The following MBTPS1 variants were observed in gnomAD, a reference collection of about 807,000 sequenced individuals.
MBTPS1 encodes the protein membrane bound transcription factor peptidase, site 1, also known as membrane-bound transcription factor site-1 protease.
A neutral mutation model predicts 127.8 loss-of-function variants in MBTPS1; 94 were observed. That is an observed-to-expected ratio of 0.74 (90% CI 0.62 to 0.87). The LOEUF (loss-of-function observed/expected upper bound fraction) is 0.87. Ranked by LOEUF, MBTPS1 falls within the 40% of genes least tolerant of loss-of-function variation. MBTPS1 has a pLI of 0.00. For missense variants in MBTPS1, 1,636 were observed against 1,353.2 expected, an observed-to-expected ratio of 1.21 and a Z score of -3.28; for synonymous variants, 632 against 509.4, an observed-to-expected ratio of 1.24 and a Z score of -3.24.
At position 84,091,851 on chromosome 16, in the gene MBTPS1, A is replaced by G. The variant is rs372245968; in HGVS notation, c.847-3T>C. On this transcript the variant is annotated splice_region_variant and splice_polypyrimidine_tract_variant and intron_variant, in intron 6 of 22. Coordinates refer to ENST00000343411, the MANE Select transcript of MBTPS1 (RefSeq NM_003791.4). ...AAAAACCAAGATGTGTAAGATACCT[A>G]GTTAAATATTATAACAGTCTGCTTA... 69 of 1,512,084 alleles carry G rather than the reference A, an allele frequency of 4.6e-5. No homozygotes were observed. The highest frequency in any genetic ancestry group is 6.2e-5 in the Non-Finnish European group (67 of 1,086,878). The allele number at this position is 1,512,084 out of a possible 1,614,324, so 93.7% of individuals were successfully genotyped here.
At chr16:84,067,635 C>CACATTTT (rs3835163) in intron 16 of MBTPS1, 32 bp downstream of exon 16, 864,410 of 1,538,910 alleles carry the variant, frequency 0.56, 245,077 homozygotes, top group East Asian at 0.61. Flanking sequence ...CCCCAAAAGT[C>CACATTTT]TTATCCAAAT....
chr16:84,089,244 C>T lies in MBTPS1; in HGVS notation c.1031+1631G>A, dbSNP rs74653612. Among the ~76,000 whole-genome samples, 823 of 152,354 alleles carry T rather than the reference C, an allele frequency of 5.4e-3. 4 individuals carry two copies. The highest frequency in any genetic ancestry group is 0.019 in the African/African-American group (785 of 41,578). On this transcript the variant is annotated intron_variant, in intron 8 of 22. Coordinates refer to ENST00000343411, the MANE Select transcript of MBTPS1 (RefSeq NM_003791.4). ...GATTGTGGCTGGAGTTGGCCAACTA[C>T]GGCCCATGGGCCAAACCAGGCCCAC...
intron 17 of MBTPS1, among the ~76,000 whole-genome samples, chr16:84,066,234 T>C (rs1281871978): frequency 6.6e-6 from 1 of 152,224 alleles, no homozygotes; most frequent in Non-Finnish European, 1.5e-5. Flanking sequence ...GTAGTTCCTA[T>C]TTGGGACTAC....
At chr16:84,111,916 T>C (rs1353889931) in intron 1 of MBTPS1, among the ~76,000 whole-genome samples, 1 of 144,156 alleles carries the variant, frequency 6.9e-6, no homozygotes, top group African/African-American at 2.5e-5. Flanking sequence ...AAAAAAAAAA[T>C]GCAGCTGGGT....
At chr16:84,102,231 C>G (rs948597082) in intron 1 of MBTPS1, 124 bp from the exon 2 acceptor site, 2 of 153,490 alleles carry the variant, frequency 1.3e-5, no homozygotes, top group South Asian at 4.0e-4. Flanking sequence ...GCCTGTAGAT[C>G]AGCTGCTTGG....
Position 84,065,721 on chromosome 16 carries a change from G to A in MBTPS1, c.2400C>T (p.Gly800=), listed in dbSNP as rs767944561. The change falls in exon 18 of 23, where the codon GGC becomes GGT. Residue 800 remains glycine (G), a synonymous_variant. Coordinates refer to ENST00000343411, the MANE Select transcript of MBTPS1 (RefSeq NM_003791.4). The stretch of plus-strand genomic sequence containing the variant: ...CCTTGAAAGTCTGTGTTATCACGAC[G>A]CCATCTTCTGGAAACTTCGCGATGC... ...GCSIAKFPED[G]VVITQTFKDQ... The A allele has an allele frequency of 5.6e-6, 9 of 1,611,874 alleles. No homozygotes were observed. Among genetic ancestry groups the A allele is most frequent in the East Asian group, 4.5e-5 (2 of 44,810 alleles).
intron 4 of MBTPS1, 102 bp from the exon 5 acceptor site, chr16:84,093,923 A>G: frequency 1.2e-6 from 1 of 865,876 alleles, no homozygotes; most frequent in Non-Finnish European, 1.9e-6. Context: ...AGAAAATGAC[A>G]TATTGTGGAA....
chr16:84,099,136 C>T lies in MBTPS1; in HGVS notation c.338G>A (p.Gly113Glu). 3.1e-6 allele frequency: 5 copies of T among 1,614,080 alleles called. No individual in the cohort carries two copies. Among genetic ancestry groups the T allele is most frequent in the Non-Finnish European group, 4.2e-6 (5 of 1,180,018 alleles). ...TGGATGATCTTCAAGTGTTAGCAGC[C>T]CCGCTTTCTGTTTTTCTTTTATCTG... is the stretch of plus-strand genomic sequence containing the variant. ...VIQIKEKQKA[G>E]LLTLEDHPNI... is the part of the protein sequence containing the mutation. The change falls in exon 3 of 23, where the codon GGG (glycine) becomes GAG (glutamate). Residue 113 changes from glycine to glutamate, a missense_variant. Physicochemically the swap from Gly to Glu is moderately conservative, Grantham distance 98 (BLOSUM62 -2). Coordinates refer to ENST00000343411, the MANE Select transcript of MBTPS1 (RefSeq NM_003791.4).
intron 20 of MBTPS1, chr16:84,059,766 A>G (rs899614640): frequency 5.4e-5 from 9 of 167,198 alleles, no homozygotes; most frequent in Admixed American, 1.2e-4. Flanking sequence ...GACCGGTTTC[A>G]TGGAAAAAAT....
intron 1 of MBTPS1, among the ~76,000 whole-genome samples, chr16:84,106,933 G>A (rs1047692850): frequency 6.6e-6 from 1 of 152,212 alleles, no homozygotes. Flanking sequence ...ACCAAGGCTG[G>A]TTGCCCGACT....
At chr16:84,098,982 CA>C in intron 3 of MBTPS1, 70 bp downstream of exon 3, 1 of 1,434,712 alleles carries the variant, frequency 7.0e-7, no homozygotes, top group Non-Finnish European at 9.7e-7. Flanking sequence ...TACTATTTTT[CA>C]ACTACTCTGC....
rs148836490 is a variant in MBTPS1, at chr16:84,060,785, G to T, written c.2601C>A (p.Leu867=). Residue 867 remains leucine (L), a synonymous_variant, in exon 20 of 23, where the codon CTC becomes CTA. Transcript: ENST00000343411. ...KDCFWLLDAL[L]QYTSYGVTPP... is the part of the protein sequence containing the mutation. ...GTGTCACCCCATACGATGTGTACTGGAGGAGGGCATCCAGAAGCCAAAAGC... is the reference window on the plus strand; with the variant it reads ...GTGTCACCCCATACGATGTGTACTGTAGGAGGGCATCCAGAAGCCAAAAGC... The T allele has an allele frequency of 1.5e-5, 24 of 1,597,572 alleles. No homozygotes were observed. In the African/African-American group the frequency reaches 2.8e-4, roughly 19 times the overall value.
chr16:84,089,360 A>C (rs1472052158), intron 8 of MBTPS1, among the ~76,000 whole-genome samples: 1 of 152,254 alleles, frequency 6.6e-6, no homozygotes, highest in South Asian at 2.1e-4. Flanking sequence ...ATAACGCCTA[A>C]AATATTTATT....
At chr16:84,103,262 T>A (rs1018055503) in intron 1 of MBTPS1, among the ~76,000 whole-genome samples, 64 of 151,236 alleles carry the variant, frequency 4.2e-4, no homozygotes, top group East Asian at 1.7e-3. Flanking sequence ...TATTATTTTT[T>A]TTTTTTTTTT....
chr16:84,101,717 C>G lies in MBTPS1; in HGVS notation c.67G>C (p.Asp23His). The change falls in exon 2 of 23, where the codon GAC becomes CAC. Residue 23 changes from aspartate (D) to histidine (H), a missense_variant. Physicochemically the swap from Asp to His is moderately conservative, Grantham distance 81. Coordinates refer to ENST00000343411, the MANE Select transcript of MBTPS1 (RefSeq NM_003791.4). The stretch of plus-strand genomic sequence containing the variant: ...TCAAAAGATTTCTTTTCCAGTCTGT[C>G]GCCCAGATGTTTCTTCCCACAGAGC... ...VLLCGKKHLGDRLEKKSFEKA... is the reference protein window; with the variant it reads ...VLLCGKKHLGHRLEKKSFEKA... 1 of 1,614,122 alleles carries G rather than the reference C, an allele frequency of 6.2e-7. No individual in the cohort carries two copies.
chr16:84,115,203 G>A (rs565979117), intron 1 of MBTPS1, among the ~76,000 whole-genome samples: 2 of 152,314 alleles, frequency 1.3e-5, no homozygotes, highest in East Asian at 1.9e-4. Flanking sequence ...TGGGATTACA[G>A]GCGTGAGCCA....
chr16:84,061,207 A>G (rs1258062999), intron 19 of MBTPS1: 4 of 165,444 alleles, frequency 2.4e-5, no homozygotes, highest in Non-Finnish European at 2.6e-5. Context: ...AGAAGTCACG[A>G]GTTTAGGTCA....
chr16:84,056,175 T>C (rs773354970), intron 21 of MBTPS1, 40 bp from the exon 22 acceptor site: 7 of 1,577,160 alleles, frequency 4.4e-6, no homozygotes, highest in South Asian at 1.1e-5. Flanking sequence ...AAATAAGCCA[T>C]TGTACTAGTC....
At chr16:84,068,263 A>T in intron 15 of MBTPS1, 76 bp downstream of exon 15, 1 of 1,013,066 alleles carries the variant, frequency 9.9e-7, no homozygotes. Context: ...GAAAACTGGG[A>T]TTCACTCCTC....
Sources: allele counts gnomAD v4.1 joint callset (sites outside exome capture counted in the v4.1 genomes callset), GRCh38; gene constraint gnomAD v4.1.1; transcripts MANE v1.5; gene names NCBI Gene and HGNC (gene_info 2026-07-23, HGNC 2026-07-21).